Variants in SZT2 observed in about 807,000 individuals in gnomAD.
The protein encoded by SZT2 is SZT2 subunit of KICSTOR complex.
SZT2 carries 216 observed loss-of-function variants against 404.2 expected under a neutral mutation model. The ratio of observed to expected loss-of-function variants is 0.53; its 90% CI spans 0.48 to 0.60. The LOEUF is 0.60. Ranked by LOEUF, SZT2 falls within the 20% of genes least tolerant of loss-of-function variation. The pLI is 0.00. For missense variants in SZT2, 3,857 were observed against 4,459.2 expected (o/e 0.86, Z 3.85); for synonymous variants, 1,693 against 1,749.9 (o/e 0.97, Z 0.81).
chr1:43,408,897 A>G (rs1650666738), intron 4 of SZT2, among the ~76,000 whole-genome samples: 1 of 152,084 alleles, frequency 6.6e-6, no homozygotes, highest in Non-Finnish European at 1.5e-5. Flanking sequence ...GTAAAAAAGT[A>G]GTTGTTCCAT....
Position 43,420,225 on chromosome 1 carries a change from A to G in SZT2, c.1163A>G (p.Lys388Arg). 6.3e-7 allele frequency: 1 copy of G among 1,598,480 alleles called. No individual in the cohort carries two copies. Among genetic ancestry groups the G allele is most frequent in the Non-Finnish European group, 8.5e-7 (1 of 1,179,810 alleles). The part of the protein sequence containing the change: ...SSNPALALRR[K>R]KHTEKEVPAD... Reference sequence around the variant, plus strand: ...AACCCTGCCCTGGCCTTGCGCCGGAAGAAGCACACTGAGAAGGAGGTGCCA... The same window carrying G: ...AACCCTGCCCTGGCCTTGCGCCGGAGGAAGCACACTGAGAAGGAGGTGCCA... Residue 388 changes from lysine (K) to arginine (R), a missense_variant, in exon 9 of 72, where the codon AAG becomes AGG. Physicochemically the swap from Lys to Arg is conservative, Grantham distance 26 (BLOSUM62 2). This residue lies in a region of SZT2 where 536 missense variants were observed against 637.4 expected (regional missense o/e 0.84). Transcript: ENST00000634258. This position sits in a 1 kb window ranked among gnomAD's most constrained non-coding sequence, Gnocchi z 5.1.
chr1:43,409,553 TAAAC>T (rs1650757809), intron 4 of SZT2: 4 of 321,900 alleles, frequency 1.2e-5, no homozygotes, highest in Admixed American at 8.3e-5. Flanking sequence ...TTAGAACTGA[TAAAC>T]AAATTCAGTA....
At chr1:43,430,248 A>G (rs1371274580) in intron 30 of SZT2, 63 bp from the exon 31 acceptor site, 1 of 1,588,096 alleles carries the variant, frequency 6.3e-7, no homozygotes, top group African/African-American at 1.4e-5. Context: ...GTGTAATCCC[A>G]CTTGCCTAGG....
chr1:43,415,766 C>T (rs888290230), intron 5 of SZT2, among the ~76,000 whole-genome samples, 194 bp from the exon 6 acceptor site: 2 of 152,234 alleles, frequency 1.3e-5, no homozygotes, highest in Non-Finnish European at 2.9e-5. Flanking sequence ...CTCCCTTCAC[C>T]TCTGAGGTTC....
intron 1 of SZT2, among the ~76,000 whole-genome samples, chr1:43,399,786 GATATA>G (rs1286295579): frequency 6.6e-6 from 1 of 151,656 alleles, no homozygotes; most frequent in Non-Finnish European, 1.5e-5. Context: ...TTTTAATGCA[GATATA>G]ATGTTACTGT....
chr1:43,433,137 C>G lies in SZT2; in HGVS notation c.5751C>G (p.Phe1917Leu). 6.2e-7 allele frequency: 1 copy of G among 1,614,174 alleles called. No homozygotes were observed. The highest frequency in any genetic ancestry group is 8.5e-7 in the Non-Finnish European group (1 of 1,180,038). ...TCCCTGGGCCCTGCCTGCCTGACTT[C>G]TGGCTCATTGTCCGGGTCCTGCAGG... is the stretch of plus-strand genomic sequence containing the variant. ...SGLPGPCLPD[F>L]WLIVRVLQDR... Residue 1917 changes from phenylalanine (F) to leucine (L), a missense_variant, in exon 40 of 72, where the codon TTC (phenylalanine) becomes TTG (leucine). Phe to Leu is a conservative substitution (Grantham distance 22). Around this residue, in one of 7 missense-constraint regions of SZT2, gnomAD observed 1,725 missense variants for 1,881.0 expected, o/e 0.92. Transcript: ENST00000634258.
rs749220737 is a variant in SZT2 at position 43,451,010 on chromosome 1, T to C, written c.*530T>C. ...TCCCTTTGCTCTCGGACCCTGGGTTTCTCATCCTTTAATGAGGTGGGTTCA... is the reference window on the plus strand; with the variant it reads ...TCCCTTTGCTCTCGGACCCTGGGTTCCTCATCCTTTAATGAGGTGGGTTCA... On this transcript the variant is annotated 3_prime_UTR_variant, in exon 72 of 72. Transcript: ENST00000634258. The C allele has an allele frequency of 1.3e-6, 1 of 768,648 alleles. No homozygotes were observed. The highest frequency in any genetic ancestry group is 1.4e-5 in the South Asian group (1 of 73,852). The allele number at this position is 768,648 out of a possible 1,614,324, so 47.6% of individuals were successfully genotyped here.
At chr1:43,440,130 TG>T in intron 51 of SZT2, 82 bp downstream of exon 51, 1 of 1,573,766 alleles carries the variant, frequency 6.4e-7, no homozygotes, top group South Asian at 1.1e-5. Flanking sequence ...CGTGCAAAGG[TG>T]GGGTTTAGGG....
Position 43,428,466 on chromosome 1 carries a change from T to TATCCTAGC in SZT2, c.4147_4154dup (p.Glu1387Ter). 1 of 1,613,964 alleles carries TATCCTAGC rather than the reference T, an allele frequency of 6.2e-7. No homozygotes were observed. Among genetic ancestry groups the TATCCTAGC allele is most frequent in the Non-Finnish European group, 8.5e-7 (1 of 1,180,010 alleles). On this transcript the variant is annotated frameshift_variant, in exon 28 of 72. Transcript: ENST00000634258. LOFTEE classifies it high-confidence loss of function. ...AGGGTGCTGAACCTCGGGAACGAGCTATCCTAGCTTCTGAATCCAGGTTAG... is the reference window on the plus strand; with the variant it reads ...AGGGTGCTGAACCTCGGGAACGAGCTATCCTAGCATCCTAGCTTCTGAATCCAGGTTAG...
chr1:43,445,726 A>C (rs758837696), intron 62 of SZT2, 168 bp from the exon 63 acceptor site: 1 of 683,838 alleles, frequency 1.5e-6, no homozygotes, highest in Non-Finnish European at 2.6e-6. Context: ...CCAGCCTTGC[A>C]GTCTAGACCT....
rs770264092 is a variant in SZT2, at chr1:43,447,637, C to A, written c.9379C>A (p.Arg3127=). 1 of 1,614,192 alleles carries A rather than the reference C, an allele frequency of 6.2e-7. No homozygotes were observed. The highest frequency in any genetic ancestry group is 1.7e-5 in the Admixed American group (1 of 60,026). ...CAGCTCTTACCACATGAAGCCATTGCGAATGGCCCGGCCAGGGGGCCCAGA... is the reference window on the plus strand; with the variant it reads ...CAGCTCTTACCACATGAAGCCATTGAGAATGGCCCGGCCAGGGGGCCCAGA... ...HASSYHMKPL[R]MARPGGPEHN... The change falls in exon 67 of 72, where the codon CGA becomes AGA. Residue 3127 remains arginine (R), a synonymous_variant. Transcript: ENST00000634258.
intron 66 of SZT2, 40 bp downstream of exon 66, chr1:43,447,208 C>G (rs368021589): frequency 9.5e-6 from 15 of 1,572,110 alleles, no homozygotes; most frequent in Middle Eastern, 2.2e-4. Flanking sequence ...CAAAAAAGAA[C>G]AGGCCACAGG....
In SZT2 at chr1:43,447,125, C is replaced by T; in HGVS notation, c.9243C>T (p.His3081=). Residue 3081 remains histidine, a synonymous_variant, in exon 66 of 72, where the codon CAC becomes CAT. Transcript: ENST00000634258. ...CCTTTCTGCGACACTTCCTGGCCCACCACCCTGACGGACCCCACTTTGGCC... is the reference window on the plus strand; with the variant it reads ...CCTTTCTGCGACACTTCCTGGCCCATCACCCTGACGGACCCCACTTTGGCC... ...LTTFLRHFLA[H]HPDGPHFGRN... The T allele has an allele frequency of 6.2e-7, 1 of 1,613,722 alleles. No homozygotes were observed. Among genetic ancestry groups the T allele is most frequent in the Non-Finnish European group, 8.5e-7 (1 of 1,179,998 alleles).
At chr1:43,407,352 A>G (rs1438061718) in intron 4 of SZT2, among the ~76,000 whole-genome samples, 1 of 152,066 alleles carries the variant, frequency 6.6e-6, no homozygotes, top group African/African-American at 2.4e-5. Flanking sequence ...AAATACAACA[A>G]CAACAACAAA....
rs377176901 is a variant in SZT2, at chr1:43,442,797, A to G, written c.8152-22A>G. ...GTCCGAGGGCAAAGGCTATGAACCC[A>G]TTGCAATGCTCCATCTCTCAGGAGC... On this transcript the variant is annotated intron_variant, in intron 58 of 71. Transcript: ENST00000634258. This position sits in a 1 kb window ranked among gnomAD's most constrained non-coding sequence, Gnocchi z 4.5. The G allele has an allele frequency of 3.8e-6, 6 of 1,580,538 alleles. No individual in the cohort carries two copies. In the African/African-American group the frequency reaches 6.7e-5, roughly 18 times the overall value.
chr1:43,431,588 C>G, intron 35 of SZT2, 65 bp downstream of exon 35: 21 of 1,606,560 alleles, frequency 1.3e-5, no homozygotes, highest in Non-Finnish European at 1.8e-5. Context: ...GATAAGGTAC[C>G]CCCTTTGTTC....
Position 43,441,672 on chromosome 1 carries a change from C to T in SZT2, c.7610-14C>T. On this transcript the variant is annotated splice_polypyrimidine_tract_variant and intron_variant, in intron 54 of 71. Transcript: ENST00000634258. This position sits in a 1 kb window ranked among gnomAD's most constrained non-coding sequence, Gnocchi z 4.8. ...TCCATCCTGCAGCTCCACAGTGACT[C>T]CTCTGCCTCCTAGGTTGTGCCTCAG... The T allele has an allele frequency of 4.3e-6, 7 of 1,614,124 alleles. No individual in the cohort carries two copies. Among genetic ancestry groups the T allele is most frequent in the Non-Finnish European group, 5.9e-6 (7 of 1,179,984 alleles).
rs1279594864 is a variant in SZT2, at chr1:43,439,887, A to T, written c.7049A>T (p.Asn2350Ile). Reference sequence around the variant, plus strand: ...GTCCCTGTTCTCCTTCCAGCTCAGAATGGGGCCCCACGGCTTCGATTGGAT... The same window carrying T: ...GTCCCTGTTCTCCTTCCAGCTCAGATTGGGGCCCCACGGCTTCGATTGGAT... ...PVVVDSSSAQNGAPRLRLDVW... is the reference protein window; with the variant it reads ...PVVVDSSSAQIGAPRLRLDVW... Residue 2350 changes from asparagine to isoleucine, a missense_variant, in exon 51 of 72, where the codon AAT (asparagine) becomes ATT (isoleucine). Coordinates refer to ENST00000634258, the MANE Select transcript of SZT2 (RefSeq NM_001365999.1). This position sits in a 1 kb window ranked among gnomAD's most constrained non-coding sequence, Gnocchi z 4.2. The T allele has an allele frequency of 2.5e-6, 4 of 1,594,140 alleles. No individual in the cohort carries two copies. In the Admixed American group the frequency reaches 6.8e-5, roughly 27 times the overall value.
rs1557616309 is a variant in SZT2 at position 43,452,620 on chromosome 1, T to C, written c.*2140T>C. 2 of 595,664 alleles carry C rather than the reference T, an allele frequency of 3.4e-6. No homozygotes were observed. Among genetic ancestry groups the C allele is most frequent in the Non-Finnish European group, 6.0e-6 (2 of 333,546 alleles). The allele number at this position is 595,664 out of a possible 1,614,324, so 36.9% of individuals were successfully genotyped here. A position where few individuals can be genotyped will look rare whatever the true frequency, so the allele number is the denominator to read the frequency against. On this transcript the variant is annotated 3_prime_UTR_variant, in exon 72 of 72. Coordinates refer to ENST00000634258, the MANE Select transcript of SZT2 (RefSeq NM_001365999.1). ...CCTGCTAAATTCTCACCTTTAAAAA[T>C]TGTCCTGACCTTTGCTTGCCCTTCT... is the stretch of plus-strand genomic sequence containing the variant.
Sources: allele counts gnomAD v4.1 joint callset (sites outside exome capture counted in the v4.1 genomes callset), GRCh38; gene constraint gnomAD v4.1.1; regional missense constraint gnomAD v4.1.1; non-coding constraint Gnocchi (gnomAD v3.1); transcripts MANE v1.5; gene names NCBI Gene and HGNC (gene_info 2026-07-23, HGNC 2026-07-21).